PIP5K1B: variants seen among roughly 807,000 people sequenced by gnomAD.
PIP5K1B encodes the protein phosphatidylinositol 4-phosphate 5-kinase type-1 beta.
In PIP5K1B, 42 loss-of-function variants were observed where a neutral mutation model predicts 67.0. The observed-to-expected ratio is 0.63, with a 90% CI of 0.49 to 0.81. The LOEUF is 0.81. PIP5K1B is among the 30% of genes least tolerant of loss of function. The pLI is 0.00. For synonymous variants in PIP5K1B, 214 were observed against 231.4 expected (o/e 0.92, Z 0.68); for missense variants, 459 against 646.3 (o/e 0.71, Z 3.14).
intron 7 of PIP5K1B, among the ~76,000 whole-genome samples, chr9:68,890,335 A>C (rs1332507076): frequency 6.6e-6 from 1 of 152,208 alleles, no homozygotes; most frequent in African/African-American, 2.4e-5. Flanking sequence ...AGGCATTTTC[A>C]TACCTCCAGT....
At chr9:68,944,443 C>T (rs1827706151) in intron 14 of PIP5K1B, among the ~76,000 whole-genome samples, 1 of 152,354 alleles carries the variant, frequency 6.6e-6, no homozygotes, top group Admixed American at 6.5e-5. Flanking sequence ...TTGAAAGTCA[C>T]ACTTCATTCC....
chr9:68,999,116 G>A (rs1830710387), intron 15 of PIP5K1B, among the ~76,000 whole-genome samples: 1 of 152,180 alleles, frequency 6.6e-6, no homozygotes, highest in Non-Finnish European at 1.5e-5. Context: ...CGTCACTGCT[G>A]CCATGTTCAT....
intron 2 of PIP5K1B, among the ~76,000 whole-genome samples, chr9:68,801,306 A>G (rs17391456): frequency 0.097 from 14,738 of 152,202 alleles, 870 homozygotes; most frequent in Non-Finnish European, 0.14. Context: ...TATTAACACT[A>G]GGAAAAGGGC....
chr9:68,772,368 G>T (rs1564122547), intron 2 of PIP5K1B, among the ~76,000 whole-genome samples: 1 of 152,174 alleles, frequency 6.6e-6, no homozygotes, highest in African/African-American at 2.4e-5. Context: ...GTGTCCTCCT[G>T]CAGTTTATTG....
Position 68,877,206 on chromosome 9 carries a change from A to G in PIP5K1B, c.318+412A>G, listed in dbSNP as rs907022905. On this transcript the variant is annotated intron_variant, in intron 6 of 15. Transcript: ENST00000265382. ...CATTTCACCTTGACCTACAAATTTGAGTAAACATTGTAAAGAATCTGGATA... is the reference window on the plus strand; with the variant it reads ...CATTTCACCTTGACCTACAAATTTGGGTAAACATTGTAAAGAATCTGGATA... Among the ~76,000 whole-genome samples, 13 of 152,244 alleles carry G rather than the reference A, an allele frequency of 8.5e-5. 1 individual carries two copies. Among genetic ancestry groups the G allele is most frequent in the Admixed American group, 6.5e-5 (1 of 15,284 alleles).
At chr9:68,938,721 C>T (rs746543556) in intron 13 of PIP5K1B, among the ~76,000 whole-genome samples, 2 of 152,138 alleles carry the variant, frequency 1.3e-5, no homozygotes, top group South Asian at 2.1e-4. Flanking sequence ...TTCATGTTGT[C>T]GGCAGAATTC....
At chr9:68,713,739 TCA>T (rs1043779979) in intron 1 of PIP5K1B, among the ~76,000 whole-genome samples, 26 of 152,286 alleles carry the variant, frequency 1.7e-4, no homozygotes, top group African/African-American at 5.5e-4. Flanking sequence ...CTTTTGGTAG[TCA>T]CAGAGCCTGC....
intron 2 of PIP5K1B, among the ~76,000 whole-genome samples, chr9:68,790,412 AG>A (rs1353165784): frequency 1.3e-5 from 2 of 152,252 alleles, no homozygotes; most frequent in Non-Finnish European, 2.9e-5. Context: ...CAAAAACCAC[AG>A]TTGGTTCCAA....
chr9:68,814,735 G>T (rs918893894), intron 2 of PIP5K1B, among the ~76,000 whole-genome samples: 3 of 152,034 alleles, frequency 2.0e-5, no homozygotes, highest in Non-Finnish European at 2.9e-5. Flanking sequence ...TGGGAGGATC[G>T]CTTGAGCCCA....
intron 6 of PIP5K1B, among the ~76,000 whole-genome samples, chr9:68,881,001 A>G (rs192160025): frequency 6.6e-6 from 1 of 152,364 alleles, no homozygotes; most frequent in Admixed American, 6.5e-5. Flanking sequence ...AGTGTCAGGT[A>G]TAATAACCTT....
At chr9:68,945,564 A>T (rs1373918791) in intron 14 of PIP5K1B, among the ~76,000 whole-genome samples, 1 of 152,236 alleles carries the variant, frequency 6.6e-6, no homozygotes, top group South Asian at 2.1e-4. Context: ...TCCTACTTCA[A>T]ACCACCAATA....
At chr9:68,757,738 G>A (rs1447258900) in intron 2 of PIP5K1B, among the ~76,000 whole-genome samples, 1 of 152,012 alleles carries the variant, frequency 6.6e-6, no homozygotes, top group Non-Finnish European at 1.5e-5. Context: ...TGTATGTTTG[G>A]AGCAACTGGG....
intron 2 of PIP5K1B, among the ~76,000 whole-genome samples, chr9:68,745,057 T>C (rs1400340409): frequency 6.6e-6 from 1 of 152,180 alleles, no homozygotes. Flanking sequence ...AACTGTCGTT[T>C]CCTTTGGCTT....
chr9:68,979,409 G>T (rs949588834), intron 14 of PIP5K1B, among the ~76,000 whole-genome samples: 1 of 152,198 alleles, frequency 6.6e-6, no homozygotes, highest in Admixed American at 6.5e-5. Context: ...ACCTGTGCTT[G>T]TGTGTGTACA....
intron 2 of PIP5K1B, among the ~76,000 whole-genome samples, chr9:68,746,600 T>C (rs1462136637): frequency 6.6e-6 from 1 of 152,000 alleles, no homozygotes; most frequent in Non-Finnish European, 1.5e-5. Context: ...CCAAGGAGAG[T>C]TAGCTGTGAG....
intron 14 of PIP5K1B, among the ~76,000 whole-genome samples, chr9:68,945,752 A>C (rs1425557840): frequency 6.6e-6 from 1 of 152,232 alleles, no homozygotes; most frequent in Non-Finnish European, 1.5e-5. Context: ...TCTCAAGACC[A>C]CATGGCTAAA....
At chr9:68,836,212 A>C (rs909115214) in intron 4 of PIP5K1B, among the ~76,000 whole-genome samples, 1 of 152,122 alleles carries the variant, frequency 6.6e-6, no homozygotes, top group African/African-American at 2.4e-5. Flanking sequence ...GCCCCAGGTT[A>C]TTTCTTTATT....
chr9:68,769,990 C>T (rs1464429892), intron 2 of PIP5K1B, among the ~76,000 whole-genome samples: 2 of 152,186 alleles, frequency 1.3e-5, no homozygotes, highest in Admixed American at 6.5e-5. Context: ...GGGTTTTCCA[C>T]GCCTTCTCTC....
chr9:68,984,008 T>C (rs74893923), intron 14 of PIP5K1B, among the ~76,000 whole-genome samples: 2,420 of 152,270 alleles, frequency 0.016, 58 homozygotes, highest in African/African-American at 0.052. Flanking sequence ...CAAGCCAAGA[T>C]TGCAACACTG....
Sources: allele counts gnomAD v4.1 joint callset (sites outside exome capture counted in the v4.1 genomes callset), GRCh38; gene constraint gnomAD v4.1.1; transcripts MANE v1.5; gene names NCBI Gene and HGNC (gene_info 2026-07-23, HGNC 2026-07-21).